The following FAXC variants were observed in gnomAD, a reference collection of about 807,000 sequenced individuals.
FAXC encodes the protein failed axon connections homolog.
In FAXC, 10 loss-of-function variants were observed where a neutral mutation model predicts 41.9. That is an observed-to-expected ratio of 0.24 (90% CI 0.15 to 0.41). FAXC has a LOEUF of 0.41. FAXC is among the 10% of genes least tolerant of loss of function. The pLI, the probability that FAXC is intolerant of heterozygous loss-of-function variation, is 1.00. For missense variants in FAXC, 399 were observed against 510.9 expected, an observed-to-expected ratio of 0.78 and a Z score of 2.11; for synonymous variants, 183 against 183.8, an observed-to-expected ratio of 1.00 and a Z score of 0.03.
At position 99,273,819 on chromosome 6, in the gene FAXC, T is replaced by C. The variant is rs907522702; in HGVS notation, c.*7345A>G. 6.6e-6 allele frequency: 1 copy of C among 152,238 alleles called. No individual in the cohort carries two copies. The highest frequency in any genetic ancestry group is 2.1e-4 in the South Asian group (1 of 4,812). The allele number at this position is 152,238 out of a possible 1,614,324, so 9.4% of individuals were successfully genotyped here. On this transcript the variant is annotated 3_prime_UTR_variant, in exon 6 of 6. Coordinates refer to ENST00000389677, the MANE Select transcript of FAXC (RefSeq NM_032511.4). The stretch of plus-strand genomic sequence containing the variant: ...AGAAAATATACTTTTAAAATGTCTA[T>C]GTTTGCTATGGTTTTTAATGTTTAC...
At chr6:99,300,293 T>C (rs1187319519) in intron 4 of FAXC, among the ~76,000 whole-genome samples, 1 of 152,226 alleles carries the variant, frequency 6.6e-6, no homozygotes, top group Non-Finnish European at 1.5e-5. Context: ...ATGGGCATAC[T>C]TTATAATTTT....
chr6:99,271,989 T>C lies in FAXC; in HGVS notation c.*9175A>G, dbSNP rs1253134880. 2 of 152,168 alleles carry C rather than the reference T, an allele frequency of 1.3e-5. No homozygotes were observed. Among genetic ancestry groups the C allele is most frequent in the African/African-American group, 4.8e-5 (2 of 41,434 alleles). 9.4% of individuals were successfully genotyped at this position (152,168 alleles called of 1,614,324 possible). On this transcript the variant is annotated 3_prime_UTR_variant, in exon 6 of 6. Coordinates refer to ENST00000389677, the MANE Select transcript of FAXC (RefSeq NM_032511.4). Reference sequence around the variant, plus strand: ...AATCACTTCATAGTAAGATTTGAATTTCCAAAATCTTGCTGTGAATCTCTG... The same window carrying C: ...AATCACTTCATAGTAAGATTTGAATCTCCAAAATCTTGCTGTGAATCTCTG...
intron 2 of FAXC, among the ~76,000 whole-genome samples, chr6:99,335,941 A>G (rs542994194): frequency 2.8e-4 from 42 of 152,336 alleles, no homozygotes; most frequent in African/African-American, 1.0e-3. Context: ...AAGTAAACAT[A>G]GATGAATGAA....
rs1246814071 is a variant in FAXC, at chr6:99,342,914, G to A, written c.386C>T (p.Ala129Val). 1.9e-6 allele frequency: 3 copies of A among 1,607,660 alleles called. No homozygotes were observed. Among genetic ancestry groups the A allele is most frequent in the Non-Finnish European group, 2.5e-6 (3 of 1,178,192 alleles). ...CLKMETYLRM[A>V]DLPYQNYFGG... ...CACAAGTACCTGATACGGTAAGTCAGCCATCCTTAAATAAGTTTCCATCTT... is the reference window on the plus strand; with the variant it reads ...CACAAGTACCTGATACGGTAAGTCAACCATCCTTAAATAAGTTTCCATCTT... The change falls in exon 2 of 6, where the codon GCT becomes GTT. Residue 129 changes from alanine to valine, a missense_variant. By Grantham distance (64) the Ala-to-Val change is moderately conservative. Coordinates refer to ENST00000389677, the MANE Select transcript of FAXC (RefSeq NM_032511.4).
At chr6:99,337,393 T>C (rs185816763) in intron 2 of FAXC, among the ~76,000 whole-genome samples, 27 of 152,336 alleles carry the variant, frequency 1.8e-4, no homozygotes, top group African/African-American at 5.0e-4. Context: ...AGAATTCTTT[T>C]GTGAAATGTA....
At position 99,281,327 on chromosome 6, in the gene FAXC, G is replaced by A. The variant is rs887546566; in HGVS notation, c.1067C>T (p.Thr356Ile). 4 of 1,614,064 alleles carry A rather than the reference G, an allele frequency of 2.5e-6. No individual in the cohort carries two copies. The African/African-American group carries it at 5.3e-5, about 22-fold the overall frequency. Residue 356 changes from threonine to isoleucine, a missense_variant, in exon 6 of 6, where the codon ACC becomes ATC. By Grantham distance (89) the Thr-to-Ile change is moderately conservative. Around this residue, in one of 3 missense-constraint regions of FAXC, gnomAD observed 92 missense variants for 94.9 expected, o/e 0.97. Transcript: ENST00000389677. ...GTAAAAGCTAAAATCCAGCAGCGGGGTGTGGGTTTTGCTGCCTTCGCTGCT... is the reference window on the plus strand; with the variant it reads ...GTAAAAGCTAAAATCCAGCAGCGGGATGTGGGTTTTGCTGCCTTCGCTGCT... ...EESSEGSKTHTPLLDFSFYSR... is the reference protein window; with the variant it reads ...EESSEGSKTHIPLLDFSFYSR...
chr6:99,346,267 C>G (rs1160042157), intron 1 of FAXC, among the ~76,000 whole-genome samples: 2 of 152,284 alleles, frequency 1.3e-5, no homozygotes, highest in South Asian at 4.1e-4. Context: ...CCCTTTGCCC[C>G]TCCACTCCTC....
intron 3 of FAXC, among the ~76,000 whole-genome samples, 194 bp downstream of exon 3, chr6:99,333,157 A>C (rs965955519): frequency 6.6e-6 from 1 of 152,264 alleles, no homozygotes; most frequent in Non-Finnish European, 1.5e-5. Flanking sequence ...GGTCCTGTAC[A>C]GAAATGGTTT....
chr6:99,331,639 G>A lies in FAXC; in HGVS notation c.599+1712C>T, dbSNP rs181270258. Among the ~76,000 whole-genome samples the A allele has an allele frequency of 5.6e-3, 857 of 152,352 alleles. 16 individuals carry two copies. Among genetic ancestry groups the A allele is most frequent in the Admixed American group, 0.035 (538 of 15,292 alleles). On this transcript the variant is annotated intron_variant, in intron 3 of 5. Transcript: ENST00000389677. ...TTGTAGCCAAAGTGACAACTAAAAT[G>A]TATGGCTTTCAGCTTTTCAGACAGC... is the stretch of plus-strand genomic sequence containing the variant.
At chr6:99,284,468 T>C (rs1770941985) in intron 5 of FAXC, among the ~76,000 whole-genome samples, 1 of 152,152 alleles carries the variant, frequency 6.6e-6, no homozygotes, top group East Asian at 1.9e-4. Context: ...TCCCTTTCTG[T>C]GGCTAGATTC....
In FAXC at chr6:99,279,646, A is replaced by G. The variant is rs890847717; in HGVS notation, c.*1518T>C. 6 of 152,148 alleles carry G rather than the reference A, an allele frequency of 3.9e-5. No individual in the cohort carries two copies. The highest frequency in any genetic ancestry group is 9.7e-5 in the African/African-American group (4 of 41,416). The allele number at this position is 152,148 out of a possible 1,614,324, so 9.4% of individuals were successfully genotyped here. ...AGCCATCACCCAGGATCTCTGCCCC[A>G]TATTTCCCTGGAAAATGTCCTAAGT... On this transcript the variant is annotated 3_prime_UTR_variant, in exon 6 of 6. Coordinates refer to ENST00000389677, the MANE Select transcript of FAXC (RefSeq NM_032511.4).
chr6:99,289,123 T>A (rs1771136219), intron 5 of FAXC, among the ~76,000 whole-genome samples: 1 of 152,204 alleles, frequency 6.6e-6, no homozygotes, highest in African/African-American at 2.4e-5. Flanking sequence ...ATACCCAGCC[T>A]GCTCAGTTGG....
chr6:99,336,082 T>TA (rs898777362), intron 2 of FAXC, among the ~76,000 whole-genome samples: 3 of 151,866 alleles, frequency 2.0e-5, no homozygotes, highest in African/African-American at 7.2e-5. Context: ...ATTTTTAAAA[T>TA]AAAAAAAAAT....
rs889778980 is a variant in FAXC, at chr6:99,304,314, T to TA, written c.824-12495dup. ...AAAATAAAAAATAAATAAAATAATT[T>TA]AAAAAAAAAACACTGTCCACAAGGA... On this transcript the variant is annotated intron_variant, in intron 4 of 5. Coordinates refer to ENST00000389677, the MANE Select transcript of FAXC (RefSeq NM_032511.4). Among the ~76,000 whole-genome samples, 138 of 147,706 alleles carry TA rather than the reference T, an allele frequency of 9.3e-4. 1 individual carries two copies. The highest frequency in any genetic ancestry group is 6.0e-3 in the South Asian group (28 of 4,688).
chr6:99,286,082 A>T (rs1220083321), intron 5 of FAXC, among the ~76,000 whole-genome samples: 1 of 151,764 alleles, frequency 6.6e-6, no homozygotes, highest in Non-Finnish European at 1.5e-5. Context: ...ATCCAAACAC[A>T]CTCATTTGCT....
At chr6:99,281,825 C>T (rs1770852258) in intron 5 of FAXC, among the ~76,000 whole-genome samples, 1 of 152,226 alleles carries the variant, frequency 6.6e-6, no homozygotes, top group South Asian at 2.1e-4. Flanking sequence ...CTTTTCCAGA[C>T]TCCACAACTG....
At chr6:99,326,880 C>T (rs996975812) in intron 3 of FAXC, among the ~76,000 whole-genome samples, 2 of 152,142 alleles carry the variant, frequency 1.3e-5, no homozygotes, top group African/African-American at 4.8e-5. Context: ...AAGGTGAAAA[C>T]ACAGCAGTGT....
At chr6:99,325,879 C>A (rs964671162) in intron 3 of FAXC, among the ~76,000 whole-genome samples, 2 of 152,100 alleles carry the variant, frequency 1.3e-5, no homozygotes, top group Admixed American at 1.3e-4. Context: ...TCTAAGCTGA[C>A]GGGTTAGAAG....
intron 4 of FAXC, among the ~76,000 whole-genome samples, chr6:99,300,524 C>A (rs1771665143): frequency 6.6e-6 from 1 of 152,228 alleles, no homozygotes; most frequent in Non-Finnish European, 1.5e-5. Flanking sequence ...TCTCTCCCTT[C>A]TTGAAGCTGC....
Sources: gnomAD v4.1 joint callset for allele counts (sites outside exome capture counted in the v4.1 genomes callset) on GRCh38, gnomAD v4.1.1 for gene constraint, gnomAD v4.1.1 regional missense constraint, MANE v1.5 for transcripts, NCBI Gene and HGNC (gene_info 2026-07-23, HGNC 2026-07-21) for gene names.